Variants in TGDS observed in about 807,000 individuals in gnomAD.
TGDS encodes UDP-D-glucose 4,6-dehydratase.
In TGDS, 47 loss-of-function variants were observed where a neutral mutation model predicts 52.3. The ratio of observed to expected loss-of-function variants is 0.90; its 90% CI spans 0.71 to 1.15. The LOEUF (loss-of-function observed/expected upper bound fraction) is 1.15. Among genes scored for constraint, TGDS ranks in the 50% most tolerant of loss-of-function variants. TGDS has a pLI of 0.00. For missense variants in TGDS, 375 were observed against 418.4 expected (o/e 0.90, Z 0.90); for synonymous variants, 115 against 136.9 (o/e 0.84, Z 1.12).
At chr13:94,585,812 A>C (rs566918468) in intron 4 of TGDS, among the ~76,000 whole-genome samples, 7 of 152,190 alleles carry the variant, frequency 4.6e-5, no homozygotes, top group Admixed American at 4.6e-4. Context: ...AAAAAAAAAA[A>C]AAAAAATCCA....
At chr13:94,580,562 C>T (rs1481880775) in intron 6 of TGDS, among the ~76,000 whole-genome samples, 1 of 152,160 alleles carries the variant, frequency 6.6e-6, no homozygotes, top group Non-Finnish European at 1.5e-5. Context: ...GCCACAAAAG[C>T]CAAATCATGC....
intron 10 of TGDS, among the ~76,000 whole-genome samples, chr13:94,576,776 T>A (rs188905764): frequency 6.6e-6 from 1 of 152,304 alleles, no homozygotes; most frequent in Admixed American, 6.5e-5. Flanking sequence ...TCATACACAT[T>A]ATAAATAAGT....
Position 94,593,894 on chromosome 13 carries a change from T to A in TGDS, c.100A>T (p.Ile34Phe). Residue 34 changes from isoleucine to phenylalanine, a missense_variant, in exon 2 of 12, where the codon ATT becomes TTT. Transcript: ENST00000261296. ...GGATAATCTTCCACTAAAGAGACAA[T>A]CATATGTGATGCACTATGGAAAAAA... ...GGAGFIASHM[I>F]VSLVEDYPNY... is the part of the protein sequence containing the mutation. The A allele has an allele frequency of 6.3e-7, 1 of 1,577,590 alleles. No individual in the cohort carries two copies. Among genetic ancestry groups the A allele is most frequent in the Non-Finnish European group, 8.6e-7 (1 of 1,161,226 alleles).
At chr13:94,586,964 C>T (rs1025197320) in intron 4 of TGDS, among the ~76,000 whole-genome samples, 1 of 151,830 alleles carries the variant, frequency 6.6e-6, no homozygotes, top group East Asian at 1.9e-4. Context: ...AGGGTCTCAC[C>T]ATGTTGCCCA....
chr13:94,593,379 T>C (rs1292692773), intron 2 of TGDS, among the ~76,000 whole-genome samples: 1 of 152,212 alleles, frequency 6.6e-6, no homozygotes, highest in African/African-American at 2.4e-5. Context: ...GAGTTAAGGG[T>C]TCTTCTTATG....
chr13:94,578,073 C>T lies in TGDS; in HGVS notation c.757G>A (p.Glu253Lys). Residue 253 changes from glutamate to lysine, a missense_variant, in exon 9 of 12, where the codon GAA becomes AAA. Physicochemically the swap from Glu to Lys is moderately conservative, Grantham distance 56 (BLOSUM62 1). Transcript: ENST00000261296. ...AAATTGGTTCCGATGTTATAAATTTCACCTGGTTTCCCTTTTTTGAGGACA... is the reference window on the plus strand; with the variant it reads ...AAATTGGTTCCGATGTTATAAATTTTACCTGGTTTCCCTTTTTTGAGGACA... ...LTVLKKGKPG[E>K]IYNIGTNFEM... is the part of the protein sequence containing the mutation. 18 of 1,613,864 alleles carry T rather than the reference C, an allele frequency of 1.1e-5. No homozygotes were observed. Among genetic ancestry groups the T allele is most frequent in the Non-Finnish European group, 1.4e-5 (17 of 1,179,886 alleles).
intron 4 of TGDS, among the ~76,000 whole-genome samples, chr13:94,584,804 G>C (rs916364233): frequency 6.6e-6 from 1 of 152,162 alleles, no homozygotes; most frequent in Non-Finnish European, 1.5e-5. Flanking sequence ...GAAGCAACTA[G>C]AAGAGCCTCT....
chr13:94,577,767 A>C (rs1888648942), intron 9 of TGDS, among the ~76,000 whole-genome samples: 1 of 152,192 alleles, frequency 6.6e-6, no homozygotes, highest in Admixed American at 6.5e-5. Flanking sequence ...ATTTCTGCAA[A>C]TGACTTATGC....
rs2139541832 is a variant in TGDS, at chr13:94,590,925, G to A, written c.241C>T (p.His81Tyr). ...KFIQGDICDS[H>Y]FVKLLFETEK... ...GTTTCAAAAAGCAGTTTCACAAAGT[G>A]AGAATCACATATGTCACCCTATATG... The change falls in exon 4 of 12, where the codon CAC (histidine) becomes TAC (tyrosine). Residue 81 changes from histidine to tyrosine, a missense_variant. By Grantham distance (83) the His-to-Tyr change is moderately conservative. Transcript: ENST00000261296. The A allele has an allele frequency of 1.3e-6, 2 of 1,572,080 alleles. No homozygotes were observed. The highest frequency in any genetic ancestry group is 2.4e-5 in the East Asian group (1 of 41,754).
At chr13:94,594,046 C>T (rs1408074058) in intron 1 of TGDS, 139 bp from the exon 2 acceptor site, 2 of 560,426 alleles carry the variant, frequency 3.6e-6, no homozygotes, top group East Asian at 3.1e-5. Flanking sequence ...AACATAACTA[C>T]ACTAAATATA....
At position 94,580,726 on chromosome 13, in the gene TGDS, T is replaced by C. The variant is rs1309924519; in HGVS notation, c.555+365A>G. On this transcript the variant is annotated intron_variant, in intron 6 of 11. Transcript: ENST00000261296. ...TTCAAGATTCAAGTTATTCCTTTAA[T>C]GATGAACTGAATACGAAGAGGTCGG... 2.6e-5 allele frequency among the ~76,000 whole-genome samples: 4 copies of C among 152,262 alleles called. No homozygotes were observed. In the East Asian group the frequency reaches 7.7e-4, roughly 29 times the overall value.
chr13:94,586,754 T>A (rs146271030), intron 4 of TGDS, among the ~76,000 whole-genome samples: 98 of 79,028 alleles, frequency 1.2e-3, no homozygotes, highest in African/African-American at 2.5e-3. Context: ...TCAAATTATT[T>A]TTTTTTTTTT....
chr13:94,582,217 A>G (rs1888823409), intron 5 of TGDS, among the ~76,000 whole-genome samples: 2 of 151,462 alleles, frequency 1.3e-5, no homozygotes, highest in South Asian at 4.2e-4. Context: ...AAAAAAATAG[A>G]TTTTGGTTTT....
At position 94,576,321 on chromosome 13, in the gene TGDS, C is replaced by A. The variant is rs756608932; in HGVS notation, c.975G>T (p.Lys325Asn). ...RPKVPWKEGI[K>N]KTIEWYRENF... The stretch of plus-strand genomic sequence containing the variant: ...GATTAATTCAAAACATACTTGTTTT[C>A]TTTATTCCTTCTTTCCAAGGCACTT... The change falls in exon 11 of 12, where the codon AAG becomes AAT. Residue 325 changes from lysine (K) to asparagine (N), a missense_variant. By Grantham distance (94) the Lys-to-Asn change is moderately conservative. Transcript: ENST00000261296. 1 of 1,591,480 alleles carries A rather than the reference C, an allele frequency of 6.3e-7. No homozygotes were observed. The highest frequency in any genetic ancestry group is 1.4e-5 in the African/African-American group (1 of 73,736).
At position 94,576,356 on chromosome 13, in the gene TGDS, A is replaced by G. The variant is rs144948056; in HGVS notation, c.940T>C (p.Trp314Arg). 1 of 1,607,196 alleles carries G rather than the reference A, an allele frequency of 6.2e-7. No homozygotes were observed. The change falls in exon 11 of 12, where the codon TGG (tryptophan) becomes CGG (arginine). Residue 314 changes from tryptophan (W) to arginine (R), a missense_variant. Trp to Arg is a moderately radical substitution (Grantham distance 101, BLOSUM62 -3). Coordinates refer to ENST00000261296, the MANE Select transcript of TGDS (RefSeq NM_014305.4). ...TCTTTCCAAGGCACTTTAGGTCTCC[A>G]TCCTAAGCCATGTATTTTTTCTGAC... is the stretch of plus-strand genomic sequence containing the variant. ...MKSEKIHGLG[W>R]RPKVPWKEGI...
At chr13:94,587,664 GACA>G (rs1409734724) in intron 4 of TGDS, among the ~76,000 whole-genome samples, 2 of 152,176 alleles carry the variant, frequency 1.3e-5, no homozygotes, top group Non-Finnish European at 2.9e-5. Flanking sequence ...AGAATTATAA[GACA>G]ACATGTCCAT....
rs929821723 is a variant in TGDS, at chr13:94,592,641, A to G, written c.154-332T>C. On this transcript the variant is annotated intron_variant, in intron 2 of 11. Transcript: ENST00000261296. ...GCTAATTTTTTGTATTTTGTAGTAGAGGCAGGGTTTCACCATGTTAGCCAG... is the reference window on the plus strand; with the variant it reads ...GCTAATTTTTTGTATTTTGTAGTAGGGGCAGGGTTTCACCATGTTAGCCAG... 1.5e-4 allele frequency among the ~76,000 whole-genome samples: 23 copies of G among 151,858 alleles called. 1 individual carries two copies. The highest frequency in any genetic ancestry group is 3.2e-4 in the Non-Finnish European group (22 of 67,978).
chr13:94,593,361 C>T (rs1889271856), intron 2 of TGDS, among the ~76,000 whole-genome samples: 1 of 152,082 alleles, frequency 6.6e-6, no homozygotes, highest in Non-Finnish European at 1.5e-5. Flanking sequence ...TCAGGCAAAG[C>T]TTCATAAGAG....
rs1285084329 is a variant in TGDS, at chr13:94,578,852, G to A, written c.616-79C>T. On this transcript the variant is annotated intron_variant, in intron 7 of 11. Coordinates refer to ENST00000261296, the MANE Select transcript of TGDS (RefSeq NM_014305.4). Reference sequence around the variant, plus strand: ...ATCTGAACTCATACCAAAATTAAAAGATTATTAAGAAATATGCATATGGAT... The same window carrying A: ...ATCTGAACTCATACCAAAATTAAAAAATTATTAAGAAATATGCATATGGAT... 4.5e-6 allele frequency: 4 copies of A among 879,560 alleles called. No homozygotes were observed. The East Asian group carries it at 1.1e-4, about 23-fold the overall frequency. 54.5% of individuals were successfully genotyped at this position (879,560 alleles called of 1,614,324 possible).
Sources: allele counts gnomAD v4.1 joint callset (sites outside exome capture counted in the v4.1 genomes callset), GRCh38; gene constraint gnomAD v4.1.1; transcripts MANE v1.5; gene names NCBI Gene and HGNC (gene_info 2026-07-23, HGNC 2026-07-21).